RAP1GAP2: variants seen among roughly 807,000 people sequenced by gnomAD.
The protein encoded by RAP1GAP2 is RAP1 GTPase activating protein 2.
Under a neutral mutation model 95.0 loss-of-function variants are expected in RAP1GAP2, and 27 were observed. That is an observed-to-expected ratio of 0.28 (90% CI 0.21 to 0.39). RAP1GAP2 has a LOEUF of 0.39. Among genes scored for constraint, RAP1GAP2 ranks in the 10% least tolerant of loss-of-function variants. The pLI, the probability that RAP1GAP2 is intolerant of heterozygous loss-of-function variation, is 1.00. For synonymous variants in RAP1GAP2, 373 were observed against 380.9 expected (o/e 0.98, Z 0.24); for missense variants, 771 against 970.0 (o/e 0.79, Z 2.72).
chr17:2,849,991 A>C (rs2071758778), intron 2 of RAP1GAP2, among the ~76,000 whole-genome samples: 1 of 139,462 alleles, frequency 7.2e-6, no homozygotes, highest in Non-Finnish European at 1.5e-5. Flanking sequence ...AACACCTAAC[A>C]CTGCCTGCTT....
intron 7 of RAP1GAP2, chr17:2,964,693 T>C (rs1201729982): frequency 6.5e-6 from 1 of 153,156 alleles, no homozygotes; most frequent in South Asian, 2.1e-4. Flanking sequence ...AAGTCTCTGT[T>C]TCCATCTAAA....
At chr17:3,028,737 G>A (rs1371678384) in intron 22 of RAP1GAP2, among the ~76,000 whole-genome samples, 1 of 152,168 alleles carries the variant, frequency 6.6e-6, no homozygotes, top group Non-Finnish European at 1.5e-5. Context: ...CCTGGTTGTA[G>A]CATTGACAGG....
intron 8 of RAP1GAP2, among the ~76,000 whole-genome samples, chr17:2,968,966 A>C (rs8076548): frequency 0.54 from 82,083 of 151,736 alleles, 22,992 homozygotes; most frequent in Admixed American, 0.63. Context: ...AAAAGGTAAA[A>C]TCAATAATGA....
At chr17:2,967,909 T>G (rs2044687709) in intron 8 of RAP1GAP2, among the ~76,000 whole-genome samples, 1 of 152,206 alleles carries the variant, frequency 6.6e-6, no homozygotes, top group African/African-American at 2.4e-5. Context: ...AGCCTGTGTG[T>G]GCCATGAGAG....
chr17:2,794,137 CT>C (rs1332291565), upstream of RAP1GAP2, among the ~76,000 whole-genome samples: 1 of 151,618 alleles, frequency 6.6e-6, no homozygotes, highest in Non-Finnish European at 1.5e-5. Context: ...TTCCCTTTCT[CT>C]GTCAGTTCTC....
rs571774162 is a variant in RAP1GAP2 at position 2,910,811 on chromosome 17, C to T, written c.165+5443C>T. 1.4e-3 allele frequency among the ~76,000 whole-genome samples: 211 copies of T among 152,286 alleles called. 1 individual carries two copies. The highest frequency in any genetic ancestry group is 4.3e-3 in the African/African-American group (179 of 41,564). ...CGCGATCTCGGCTCCCTGCAACCTC[C>T]GTCTCCCAGGCTCAAGCAGTTCTCC... On this transcript the variant is annotated intron_variant, in intron 3 of 24. Coordinates refer to ENST00000254695, the MANE Select transcript of RAP1GAP2 (RefSeq NM_015085.5).
intron 2 of RAP1GAP2, among the ~76,000 whole-genome samples, chr17:2,859,267 C>T (rs559063659): frequency 4.6e-5 from 7 of 151,864 alleles, no homozygotes; most frequent in South Asian, 4.2e-4. Flanking sequence ...CCTGTCACTA[C>T]GGCCGGCTAA....
intron 3 of RAP1GAP2, among the ~76,000 whole-genome samples, chr17:2,947,142 C>T (rs1281542051): frequency 6.6e-6 from 1 of 152,094 alleles, no homozygotes; most frequent in Admixed American, 6.6e-5. Flanking sequence ...CTCCTGGCCC[C>T]AGTGACATAG....
chr17:2,880,468 T>C (rs906163134), intron 2 of RAP1GAP2, among the ~76,000 whole-genome samples: 4 of 151,322 alleles, frequency 2.6e-5, no homozygotes, highest in African/African-American at 9.7e-5. Flanking sequence ...TTTTTTTTTT[T>C]ATTGTGGTAA....
At chr17:2,964,142 G>GCTA in intron 7 of RAP1GAP2, 74 bp downstream of exon 7, 1 of 1,394,548 alleles carries the variant, frequency 7.2e-7, no homozygotes, top group South Asian at 1.3e-5. Flanking sequence ...GAGGTACCAG[G>GCTA]CGGTAGGGGA....
intron 1 of RAP1GAP2, 87 bp from the exon 2 acceptor site, chr17:2,800,428 G>T (rs910603387): frequency 9.7e-7 from 1 of 1,031,478 alleles, no homozygotes. Flanking sequence ...TGGTGGTTTG[G>T]GCTGTCCCGG....
At chr17:2,768,209 AT>A (rs2068313600) in intron 1 of RAP1GAP2, among the ~76,000 whole-genome samples, 1 of 152,226 alleles carries the variant, frequency 6.6e-6, no homozygotes, top group African/African-American at 2.4e-5. Flanking sequence ...AGGGAAATGC[AT>A]TTGGAATTCA....
Position 2,762,397 on chromosome 17 carries a change from C to CT in RAP1GAP2, c.50+6648dup, listed in dbSNP as rs71150894. Among the ~76,000 whole-genome samples the CT allele has an allele frequency of 9.8e-3, 1,217 of 124,184 alleles. 15 individuals are homozygous for CT. Among genetic ancestry groups the CT allele is most frequent in the African/African-American group, 0.015 (505 of 33,838 alleles). The allele number at this position is 124,184 out of a possible 152,430, so 81.5% of individuals were successfully genotyped here. ...AGTTGTAAAAGTTTCTTTTTTCTTTCTTTTTTTTTTTTTTTTTTGAGACAG... is the reference window on the plus strand; with the variant it reads ...AGTTGTAAAAGTTTCTTTTTTCTTTCTTTTTTTTTTTTTTTTTTTGAGACAG... On this transcript the variant is annotated intron_variant, in intron 1 of 25. Coordinates refer to the RAP1GAP2 transcript ENST00000637138.
chr17:2,836,141 G>GGT (rs1234702239), intron 2 of RAP1GAP2, among the ~76,000 whole-genome samples: 1 of 152,074 alleles, frequency 6.6e-6, no homozygotes, highest in East Asian at 1.9e-4. Flanking sequence ...GAGAATGAGT[G>GGT]GTGTGGTCGT....
At chr17:2,834,352 G>GT (rs934618830) in intron 2 of RAP1GAP2, among the ~76,000 whole-genome samples, 2 of 152,204 alleles carry the variant, frequency 1.3e-5, no homozygotes, top group Admixed American at 6.6e-5. Context: ...TAGTTCAGGG[G>GT]TTTTGTCTGC....
chr17:2,891,142 C>G (rs903767119), intron 2 of RAP1GAP2, among the ~76,000 whole-genome samples: 4 of 150,744 alleles, frequency 2.7e-5, no homozygotes, highest in Non-Finnish European at 4.4e-5. Context: ...ACCTATCTTT[C>G]TTTTTCTTTT....
chr17:2,853,817 G>T lies in RAP1GAP2; in HGVS notation c.81-51467G>T, dbSNP rs140644822. ...CCCCGAGGAGACGCTGAAGGTCGCCGGGAGGGAGGGGAGAGCGCGCGGTCA... is the reference window on the plus strand; with the variant it reads ...CCCCGAGGAGACGCTGAAGGTCGCCTGGAGGGAGGGGAGAGCGCGCGGTCA... On this transcript the variant is annotated intron_variant, in intron 2 of 24. Coordinates refer to ENST00000254695, the MANE Select transcript of RAP1GAP2 (RefSeq NM_015085.5). 2,498 of 605,186 alleles carry T rather than the reference G, an allele frequency of 4.1e-3. 111 individuals carry two copies. In the East Asian group the frequency reaches 0.14, roughly 35 times the overall value. The allele number at this position is 605,186 out of a possible 1,614,324, so 37.5% of individuals were successfully genotyped here.
chr17:2,773,482 G>A (rs767978794), upstream of RAP1GAP2, among the ~76,000 whole-genome samples: 2 of 152,188 alleles, frequency 1.3e-5, no homozygotes, highest in Admixed American at 1.3e-4. Flanking sequence ...AGCTAAGGAG[G>A]TTGGTGAGTG....
chr17:2,800,261 T>G (rs1008861375), intron 1 of RAP1GAP2: 7 of 976,684 alleles, frequency 7.2e-6, no homozygotes, highest in Non-Finnish European at 8.5e-6. Flanking sequence ...TTTACCTTTC[T>G]GAGCCTGGGT....
Sources: gnomAD v4.1 joint callset for allele counts (sites outside exome capture counted in the v4.1 genomes callset) on GRCh38, gnomAD v4.1.1 for gene constraint, MANE v1.5 for transcripts, NCBI Gene and HGNC (gene_info 2026-07-23, HGNC 2026-07-21) for gene names.